The following RANBP2 variants were observed in gnomAD, a reference collection of about 807,000 sequenced individuals.
The protein encoded by RANBP2 is E3 SUMO-protein ligase RanBP2.
Under a neutral mutation model 303.6 loss-of-function variants are expected in RANBP2, and 57 were observed. That is an observed-to-expected ratio of 0.19 (90% CI 0.15 to 0.23). The LOEUF is 0.23. RANBP2 is among the 10% of genes least tolerant of loss of function. RANBP2 has a pLI of 1.00. For synonymous variants in RANBP2, 1,167 were observed against 1,301.5 expected, an observed-to-expected ratio of 0.90 and a Z score of 2.23; for missense variants, 3,138 against 3,780.8, an observed-to-expected ratio of 0.83 and a Z score of 4.46.
the RANBP2 span, chr2:109,615,160 G>C: frequency 9.7e-6 from 15 of 1,549,130 alleles, no homozygotes; most frequent in Non-Finnish European, 1.2e-5. Flanking sequence ...TGTCCCGGGG[G>C]CAGCAGCCCG....
chr2:109,366,150 A>G, the RANBP2 span, among the ~76,000 whole-genome samples: 2 of 152,346 alleles, frequency 1.3e-5, no homozygotes, highest in Non-Finnish European at 2.9e-5. Context: ...TTTGGCATAT[A>G]TATTTTCAAA....
chr2:108,727,012 A>G, intron 1 of RANBP2, among the ~76,000 whole-genome samples: 1 of 152,184 alleles, frequency 6.6e-6, no homozygotes, highest in Non-Finnish European at 1.5e-5. Context: ...GAACAAAATG[A>G]AAAGTCTCCC....
At chr2:109,662,961 C>T in the RANBP2 span, among the ~76,000 whole-genome samples, 4 of 152,310 alleles carry the variant, frequency 2.6e-5, no homozygotes, top group African/African-American at 9.6e-5. Context: ...TAGATATTAA[C>T]ACTCAGCTGA....
the RANBP2 span, among the ~76,000 whole-genome samples, chr2:108,951,876 C>G: frequency 6.6e-6 from 1 of 152,144 alleles, no homozygotes; most frequent in Non-Finnish European, 1.5e-5. Flanking sequence ...ATGATCTTCC[C>G]AAGGTCTCTT....
At position 108,746,919 on chromosome 2, in the gene RANBP2, G is replaced by A. The variant is rs1231111058; in HGVS notation, c.1063+121G>A. On this transcript the variant is annotated intron_variant, in intron 8 of 28. Transcript: ENST00000283195. The stretch of plus-strand genomic sequence containing the variant: ...TTTGTCAAAATTATTTCTTTTTGCC[G>A]TATCAGTTAAGAGCAATAGGTATGG... 4.3e-5 allele frequency: 46 copies of A among 1,066,702 alleles called. 1 individual carries two copies. The highest frequency in any genetic ancestry group is 2.4e-4 in the East Asian group (9 of 37,894). 66.1% of individuals were successfully genotyped at this position (1,066,702 alleles called of 1,614,324 possible).
the RANBP2 span, among the ~76,000 whole-genome samples, chr2:109,173,337 C>T: frequency 0.82 from 125,000 of 152,062 alleles, 51,510 homozygotes; most frequent in East Asian, 0.89. Context: ...CTGTGCTCTG[C>T]CCGTTATCAA....
chr2:108,944,248 G>T, the RANBP2 span, among the ~76,000 whole-genome samples: 1 of 152,122 alleles, frequency 6.6e-6, no homozygotes, highest in African/African-American at 2.4e-5. Flanking sequence ...CAAGTAGCTG[G>T]GATTACAGGG....
chr2:109,007,960 C>G, the RANBP2 span, among the ~76,000 whole-genome samples: 1 of 152,106 alleles, frequency 6.6e-6, no homozygotes, highest in Non-Finnish European at 1.5e-5. Flanking sequence ...CAGGGTAAGC[C>G]GACCATAGCA....
the RANBP2 span, among the ~76,000 whole-genome samples, chr2:109,215,904 G>C: frequency 2.6e-5 from 4 of 152,228 alleles, no homozygotes; most frequent in Non-Finnish European, 5.9e-5. Context: ...GGTCCACACA[G>C]AGCTGCGAAT....
chr2:109,187,021 CCTGGCACCCCACCCCATAGGTG>C, the RANBP2 span, among the ~76,000 whole-genome samples: 3 of 149,890 alleles, frequency 2.0e-5, no homozygotes, highest in South Asian at 4.3e-4. Flanking sequence ...TGGGCCTAGC[CCTGGCACCCCACCCCATAGGTG>C]CTGGCCCCAC....
At chr2:109,460,202 C>T in the RANBP2 span, among the ~76,000 whole-genome samples, 6 of 152,220 alleles carry the variant, frequency 3.9e-5, no homozygotes, top group African/African-American at 1.4e-4. Flanking sequence ...TTCTGAAGTC[C>T]ATGGATATTC....
the RANBP2 span, among the ~76,000 whole-genome samples, chr2:109,116,632 G>A: frequency 3.9e-5 from 6 of 152,200 alleles, no homozygotes; most frequent in Non-Finnish European, 5.9e-5. Flanking sequence ...CTCTCAACTC[G>A]TCAAAGTCAT....
At chr2:109,493,103 C>T in the RANBP2 span, among the ~76,000 whole-genome samples, 1 of 140,192 alleles carries the variant, frequency 7.1e-6, no homozygotes, top group Non-Finnish European at 1.6e-5. Context: ...CATACACATA[C>T]ACCACAGATA....
chr2:109,259,251 A>G, the RANBP2 span, among the ~76,000 whole-genome samples: 6 of 152,184 alleles, frequency 3.9e-5, no homozygotes, highest in Non-Finnish European at 8.8e-5. Flanking sequence ...CCTGAGGAGC[A>G]CCCAGACCTG....
chr2:109,585,386 T>A, the RANBP2 span: 1 of 1,328,938 alleles, frequency 7.5e-7, no homozygotes, highest in East Asian at 2.3e-5. Context: ...CAACTGTAAA[T>A]GCCTAGAGTG....
chr2:109,630,937 G>T, the RANBP2 span, among the ~76,000 whole-genome samples: 1 of 152,198 alleles, frequency 6.6e-6, no homozygotes, highest in Non-Finnish European at 1.5e-5. Flanking sequence ...GTGGTGGCAG[G>T]CACCTCTAAT....
At chr2:108,917,647 G>A in the RANBP2 span, among the ~76,000 whole-genome samples, 1 of 152,142 alleles carries the variant, frequency 6.6e-6, no homozygotes, top group African/African-American at 2.4e-5. Flanking sequence ...TAAGACTAGA[G>A]GGGGGTCAAA....
chr2:109,318,369 G>A, the RANBP2 span, among the ~76,000 whole-genome samples: 5 of 152,118 alleles, frequency 3.3e-5, no homozygotes, highest in African/African-American at 1.2e-4. Flanking sequence ...CCCACTCGCT[G>A]CACAGACCTG....
At chr2:109,681,956 G>A in the RANBP2 span, among the ~76,000 whole-genome samples, 7 of 152,240 alleles carry the variant, frequency 4.6e-5, no homozygotes, top group Non-Finnish European at 7.3e-5. Flanking sequence ...TGGCATCACT[G>A]AGGCACTTGC....
Sources: gnomAD v4.1 joint callset for allele counts (sites outside exome capture counted in the v4.1 genomes callset) on GRCh38, gnomAD v4.1.1 for gene constraint, MANE v1.5 for transcripts, NCBI Gene and HGNC (gene_info 2026-07-23, HGNC 2026-07-21) for gene names.